Variants in ALG6 observed in about 807,000 individuals in gnomAD.
ALG6 encodes dolichyl pyrophosphate Man9GlcNAc2 alpha-1,3-glucosyltransferase.
Under a neutral mutation model 66.6 loss-of-function variants are expected in ALG6, and 46 were observed. The observed-to-expected ratio is 0.69, with a 90% CI of 0.55 to 0.88. The LOEUF is 0.88. Ranked by LOEUF, ALG6 falls within the 40% of genes least tolerant of loss-of-function variation. The probability of loss-of-function intolerance (pLI) is 0.00; values close to 1 mark genes in which losing one functional copy is unlikely to be tolerated. For missense variants in ALG6, 505 were observed against 586.8 expected (o/e 0.86, Z 1.44); for synonymous variants, 185 against 203.7 (o/e 0.91, Z 0.78).
At chr1:63,414,935 T>A (rs934599726) in intron 10 of ALG6, among the ~76,000 whole-genome samples, 3 of 152,200 alleles carry the variant, frequency 2.0e-5, no homozygotes, top group African/African-American at 7.2e-5. Context: ...CTCAGCCGTC[T>A]TTTAAAGGGC....
chr1:63,416,173 G>C (rs148632148), intron 11 of ALG6, among the ~76,000 whole-genome samples: 1 of 152,276 alleles, frequency 6.6e-6, no homozygotes, highest in African/African-American at 2.4e-5. Context: ...AATTTGTTTC[G>C]TATTAGTTAA....
intron 2 of ALG6, among the ~76,000 whole-genome samples, chr1:63,382,163 T>A (rs900467435): frequency 2.0e-5 from 3 of 151,028 alleles, no homozygotes; most frequent in Admixed American, 6.6e-5. Context: ...GATTTTTTTT[T>A]TAAAAATTTT....
chr1:63,402,720 G>C (rs1644471242), intron 4 of ALG6, among the ~76,000 whole-genome samples: 1 of 150,304 alleles, frequency 6.7e-6, no homozygotes, highest in African/African-American at 2.4e-5. Context: ...GCCCACCTCA[G>C]CCTCCCAAAG....
intron 12 of ALG6, among the ~76,000 whole-genome samples, chr1:63,421,190 A>T (rs1644571197): frequency 6.6e-6 from 1 of 151,978 alleles, no homozygotes; most frequent in African/African-American, 2.4e-5. Flanking sequence ...TTTTATTATT[A>T]TTTTTGAGAT....
At chr1:63,400,330 T>TAC (rs1644456183) in intron 3 of ALG6, among the ~76,000 whole-genome samples, 3 of 34,200 alleles carry the variant, frequency 8.8e-5, no homozygotes, top group African/African-American at 5.7e-4. Context: ...CGTATATATA[T>TAC]ATATACGTAT....
At chr1:63,369,583 T>C (rs1044025749) in intron 1 of ALG6, among the ~76,000 whole-genome samples, 1 of 151,278 alleles carries the variant, frequency 6.6e-6, no homozygotes, top group African/African-American at 2.4e-5. Context: ...GAGCCGATAT[T>C]GTGCCATTGT....
intron 4 of ALG6, 114 bp downstream of exon 4, chr1:63,402,457 TGTA>T: frequency 8.7e-6 from 5 of 577,228 alleles, no homozygotes; most frequent in African/African-American, 2.0e-5. Context: ...TAGCTGCTAT[TGTA>T]TTTTTTTTTT....
intron 7 of ALG6, among the ~76,000 whole-genome samples, chr1:63,407,462 A>G (rs1644494646): frequency 6.6e-6 from 1 of 152,048 alleles, no homozygotes; most frequent in Non-Finnish European, 1.5e-5. Flanking sequence ...TGTAAATGTT[A>G]TCTGACGTGA....
intron 10 of ALG6, among the ~76,000 whole-genome samples, chr1:63,415,027 G>A (rs7412547): frequency 0.13 from 20,349 of 152,146 alleles, 1,529 homozygotes; most frequent in Middle Eastern, 0.25. Flanking sequence ...TTTCACATCT[G>A]CAAAATTCTT....
rs940247363 is a variant in ALG6, at chr1:63,407,101, A to G, written c.469A>G (p.Ile157Val). 1 of 1,609,048 alleles carries G rather than the reference A, an allele frequency of 6.2e-7. No individual in the cohort carries two copies. The highest frequency in any genetic ancestry group is 2.2e-5 in the East Asian group (1 of 44,708). ...ALCILLYPGLILIDYGHFQYN... is the reference protein window; with the variant it reads ...ALCILLYPGLVLIDYGHFQYN... ...ATGCATCTTGCTGTATCCAGGCCTT[A>G]TTCTTATAGACTATGGACATTTTCA... is the stretch of plus-strand genomic sequence containing the variant. Residue 157 changes from isoleucine to valine, a missense_variant, in exon 7 of 15, where the codon ATT becomes GTT. By Grantham distance (29) the Ile-to-Val change is conservative. Coordinates refer to ENST00000263440, the MANE Select transcript of ALG6 (RefSeq NM_013339.4).
chr1:63,426,368 T>C (rs2100437754), intron 12 of ALG6, among the ~76,000 whole-genome samples: 1 of 152,254 alleles, frequency 6.6e-6, no homozygotes, highest in East Asian at 1.9e-4. Context: ...CAGAGGGCAG[T>C]ACTGTCCTCA....
rs760731397 is a variant in ALG6 at position 63,387,532 on chromosome 1, CTTTTTTTTTT to C, written c.83-8963_83-8954del. On this transcript the variant is annotated intron_variant, in intron 2 of 14. Transcript: ENST00000263440. ...ATATAATGACCTTCTTTGTCTTTCT[CTTTTTTTTTT>C]TTTTTTTTTTTTTTTTTGAGACAGA... is the stretch of plus-strand genomic sequence containing the variant. Among the ~76,000 whole-genome samples, 14 of 59,494 alleles carry C rather than the reference CTTTTTTTTTT, an allele frequency of 2.4e-4. No individual in the cohort carries two copies. The East Asian group carries it at 3.8e-3, about 16-fold the overall frequency. 39.0% of individuals were successfully genotyped at this position (59,494 alleles called of 152,430 possible). A position where few individuals can be genotyped will look rare whatever the true frequency, so the allele number is the denominator to read the frequency against.
At chr1:63,400,268 C>CGTATATATAT (rs1644450827) in intron 3 of ALG6, among the ~76,000 whole-genome samples, 2 of 12,984 alleles carry the variant, frequency 1.5e-4, no homozygotes, top group Admixed American at 2.3e-3. Context: ...TATATATATA[C>CGTATATATAT]GTATATATAT....
At chr1:63,390,506 C>G (rs1648637812) in intron 2 of ALG6, among the ~76,000 whole-genome samples, 1 of 152,116 alleles carries the variant, frequency 6.6e-6, no homozygotes, top group Non-Finnish European at 1.5e-5. Context: ...GCTGCCTTAG[C>G]TGGTGTCTTA....
In ALG6 at chr1:63,428,934, A is replaced by G; in HGVS notation, c.1134A>G (p.Leu378=). 2 of 1,613,078 alleles carry G rather than the reference A, an allele frequency of 1.2e-6. No individual in the cohort carries two copies. Among genetic ancestry groups the G allele is most frequent in the East Asian group, 2.2e-5 (1 of 44,708 alleles). ...TAAAAATTTTCCTTTACAGTATGCT[A>G]CCTCTTCTATTGAAGGATGAACTCC... ...WFLLVSTFSM[L]PLLLKDELLM... is the part of the protein sequence containing the mutation. The change falls in exon 14 of 15, where the codon CTA becomes CTG. Residue 378 remains leucine (L), a synonymous_variant. Transcript: ENST00000263440.
intron 2 of ALG6, among the ~76,000 whole-genome samples, chr1:63,385,206 T>TCC (rs1648463568): frequency 1.4e-5 from 1 of 72,870 alleles, no homozygotes; most frequent in Non-Finnish European, 2.7e-5. Flanking sequence ...TTTTTTTTTT[T>TCC]TTTTTTTTTT....
chr1:63,416,767 T>C (rs1264103107), intron 11 of ALG6, among the ~76,000 whole-genome samples: 1 of 152,200 alleles, frequency 6.6e-6, no homozygotes, highest in Non-Finnish European at 1.5e-5. Context: ...TTACAAAGTC[T>C]TCTTGGTTGT....
intron 2 of ALG6, among the ~76,000 whole-genome samples, chr1:63,375,102 G>A (rs1473129789): frequency 6.6e-6 from 1 of 152,088 alleles, no homozygotes; most frequent in African/African-American, 2.4e-5. Flanking sequence ...TCGGGCCTCT[G>A]AGGTGGGTGG....
At chr1:63,409,347 A>G (rs1332997134) in intron 7 of ALG6, among the ~76,000 whole-genome samples, 3 of 152,158 alleles carry the variant, frequency 2.0e-5, no homozygotes, top group Non-Finnish European at 4.4e-5. Context: ...TCCAAACCGT[A>G]TATGGGTCCA....
Sources: allele counts gnomAD v4.1 joint callset (sites outside exome capture counted in the v4.1 genomes callset), GRCh38; gene constraint gnomAD v4.1.1; transcripts MANE v1.5; gene names NCBI Gene and HGNC (gene_info 2026-07-23, HGNC 2026-07-21).